SHTN1: variants seen among roughly 807,000 people sequenced by gnomAD.
SHTN1 encodes the protein shootin 1.
In SHTN1, 42 loss-of-function variants were observed where a neutral mutation model predicts 83.1. The ratio of observed to expected loss-of-function variants is 0.51; its 90% CI spans 0.39 to 0.65. The LOEUF (loss-of-function observed/expected upper bound fraction) is 0.65, where lower values mean the gene tolerates loss of function less well. Among genes scored for constraint, SHTN1 ranks in the 30% least tolerant of loss-of-function variants. The pLI, the probability that SHTN1 is intolerant of heterozygous loss-of-function variation, is 0.00. For missense variants in SHTN1, 622 were observed against 737.8 expected (o/e 0.84, Z 1.82); for synonymous variants, 224 against 247.7 (o/e 0.90, Z 0.90).
At chr10:117,066,220 G>GC (rs1330379630) in intron 1 of SHTN1, among the ~76,000 whole-genome samples, 5 of 152,090 alleles carry the variant, frequency 3.3e-5, no homozygotes, top group African/African-American at 1.2e-4. Flanking sequence ...TGGGAAACAG[G>GC]CTTGCAATTT....
At chr10:116,973,410 T>C (rs1269666450) in intron 2 of SHTN1, among the ~76,000 whole-genome samples, 2 of 152,182 alleles carry the variant, frequency 1.3e-5, no homozygotes, top group Non-Finnish European at 2.9e-5. Flanking sequence ...AATCTATACA[T>C]ACGCAAGTAC....
chr10:117,088,006 G>A (rs1853374556), intron 1 of SHTN1, among the ~76,000 whole-genome samples: 1 of 152,196 alleles, frequency 6.6e-6, no homozygotes, highest in Non-Finnish European at 1.5e-5. Flanking sequence ...AGAAGGCTGA[G>A]GCAGGAGGAA....
intron 2 of SHTN1, among the ~76,000 whole-genome samples, chr10:117,035,098 C>T (rs757293181): frequency 2.6e-5 from 4 of 152,090 alleles, no homozygotes; most frequent in Non-Finnish European, 4.4e-5. Context: ...GCTATAGTAA[C>T]CAAAACAGCA....
chr10:116,938,766 G>A (rs2133393449), intron 9 of SHTN1, among the ~76,000 whole-genome samples: 1 of 152,278 alleles, frequency 6.6e-6, no homozygotes, highest in South Asian at 2.1e-4. Flanking sequence ...TGTGCCCACA[G>A]CCGCCTCTTT....
intron 1 of SHTN1, among the ~76,000 whole-genome samples, chr10:116,990,276 CTT>C (rs1158669358): frequency 8.5e-6 from 1 of 117,198 alleles, no homozygotes; most frequent in African/African-American, 3.2e-5. Context: ...TTTTCTTTTT[CTT>C]TTTTCTTTCT....
At chr10:116,905,093 G>C (rs998158776) in intron 15 of SHTN1, among the ~76,000 whole-genome samples, 3 of 151,442 alleles carry the variant, frequency 2.0e-5, no homozygotes, top group Non-Finnish European at 4.4e-5. Context: ...CCCAGCTACT[G>C]GGGAGGCTGA....
intron 2 of SHTN1, among the ~76,000 whole-genome samples, chr10:116,973,347 G>A (rs1850684556): frequency 6.6e-6 from 1 of 152,068 alleles, no homozygotes; most frequent in South Asian, 2.1e-4. Context: ...GGCAGTTCAG[G>A]GCCCAAGAAG....
chr10:117,116,408 T>C (rs903351874), intron 1 of SHTN1, among the ~76,000 whole-genome samples: 3 of 152,072 alleles, frequency 2.0e-5, no homozygotes, highest in Non-Finnish European at 2.9e-5. Context: ...AGTAATGAGA[T>C]GGAGGCCATA....
At chr10:116,946,298 A>G (rs1358374345) in intron 7 of SHTN1, among the ~76,000 whole-genome samples, 1 of 148,396 alleles carries the variant, frequency 6.7e-6, no homozygotes, top group Non-Finnish European at 1.5e-5. Flanking sequence ...ACTAGTGCTT[A>G]TCTCTGGATT....
intron 1 of SHTN1, among the ~76,000 whole-genome samples, chr10:117,116,113 T>C (rs1032972298): frequency 6.6e-6 from 1 of 150,938 alleles, no homozygotes; most frequent in African/African-American, 2.4e-5. Context: ...ATATGGAAGA[T>C]CAATGAAATG....
intron 1 of SHTN1, among the ~76,000 whole-genome samples, chr10:117,001,383 G>T (rs1009962019): frequency 2.0e-5 from 3 of 152,114 alleles, no homozygotes; most frequent in African/African-American, 7.2e-5. Flanking sequence ...TTAGGGAATG[G>T]TAAGTATAAA....
intron 1 of SHTN1, among the ~76,000 whole-genome samples, chr10:117,077,200 C>A (rs1853171523): frequency 6.6e-6 from 1 of 152,190 alleles, no homozygotes; most frequent in African/African-American, 2.4e-5. Flanking sequence ...GGTCATATGT[C>A]AGCTTTTCCC....
In SHTN1 at chr10:116,885,112, C is replaced by T. The variant is rs965772513; in HGVS notation, c.*1232G>A. On this transcript the variant is annotated 3_prime_UTR_variant, in exon 17 of 17. Transcript: ENST00000355371. ...CACCTCTTCAAGCCTATGCTTACCA[C>T]ACGTGCAAAAATACAATACAATACA... 6.6e-6 allele frequency: 1 copy of T among 152,624 alleles called. No individual in the cohort carries two copies. Among genetic ancestry groups the T allele is most frequent in the Non-Finnish European group, 1.5e-5 (1 of 68,046 alleles). The allele number at this position is 152,624 out of a possible 1,614,324, so 9.5% of individuals were successfully genotyped here.
chr10:116,986,070 T>G (rs1851208029), intron 1 of SHTN1, among the ~76,000 whole-genome samples: 2 of 152,190 alleles, frequency 1.3e-5, no homozygotes, highest in Admixed American at 1.3e-4. Flanking sequence ...TAATGATACT[T>G]AAGAAGTACT....
At chr10:117,047,374 A>AC (rs1411789681) in intron 2 of SHTN1, among the ~76,000 whole-genome samples, 1 of 150,512 alleles carries the variant, frequency 6.6e-6, no homozygotes, top group Admixed American at 6.6e-5. Context: ...CCTCAAAAAT[A>AC]TTTTTTTTTA....
At chr10:117,061,135 C>CTTTTTTTTTTTTTTTTTTTTTTTTT (rs5788206) in intron 1 of SHTN1, among the ~76,000 whole-genome samples, 1 of 127,264 alleles carries the variant, frequency 7.9e-6, no homozygotes, top group African/African-American at 2.8e-5. Flanking sequence ...AAGCTTTAGT[C>CTTTTTTTTTTTTTTTTTTTTTTTTT]TTTTTTTTTT....
intron 2 of SHTN1, among the ~76,000 whole-genome samples, chr10:117,047,047 AT>A (rs1745331860): frequency 6.6e-6 from 1 of 152,148 alleles, no homozygotes; most frequent in Non-Finnish European, 1.5e-5. Flanking sequence ...AATTTATGAT[AT>A]GTAAATTATT....
chr10:116,999,385 G>A (rs1373726836), intron 1 of SHTN1, among the ~76,000 whole-genome samples: 3 of 152,172 alleles, frequency 2.0e-5, no homozygotes, highest in African/African-American at 7.2e-5. Context: ...GTCATAGCAT[G>A]CATTGTCAAT....
intron 3 of SHTN1, among the ~76,000 whole-genome samples, chr10:116,967,990 T>C (rs935609462): frequency 6.6e-6 from 1 of 152,178 alleles, no homozygotes; most frequent in African/African-American, 2.4e-5. Context: ...AGGACCATCC[T>C]GGCCAATATG....
Sources: gnomAD v4.1 joint callset for allele counts (sites outside exome capture counted in the v4.1 genomes callset) on GRCh38, gnomAD v4.1.1 for gene constraint, MANE v1.5 for transcripts, NCBI Gene and HGNC (gene_info 2026-07-23, HGNC 2026-07-21) for gene names.